The following TP53BP1 variants were observed in gnomAD, a reference collection of about 807,000 sequenced individuals.
TP53BP1 encodes the protein tumor protein p53 binding protein 1.
TP53BP1 carries 61 observed loss-of-function variants against 200.8 expected under a neutral mutation model. That is an observed-to-expected ratio of 0.30 (90% CI 0.25 to 0.38). The LOEUF (loss-of-function observed/expected upper bound fraction) is 0.38, where lower values mean the gene tolerates loss of function less well. TP53BP1 is among the 10% of genes least tolerant of loss of function. The probability of loss-of-function intolerance (pLI) is 1.00; values close to 1 mark genes in which losing one functional copy is unlikely to be tolerated. For synonymous variants in TP53BP1, 822 were observed against 844.3 expected (o/e 0.97, Z 0.46); for missense variants, 2,144 against 2,371.9 (o/e 0.90, Z 2.00).
chr15:43,438,308 T>C lies in TP53BP1; in HGVS notation c.3191+16A>G, dbSNP rs2045847765. 1.9e-6 allele frequency: 3 copies of C among 1,610,672 alleles called. No individual in the cohort carries two copies. Among genetic ancestry groups the C allele is most frequent in the Non-Finnish European group, 1.7e-6 (2 of 1,178,164 alleles). The stretch of plus-strand genomic sequence containing the variant: ...AACCAATGGAGCCCAAAAGATTCTA[T>C]AAAAATAATGCTTACCTGATGGGTG... On this transcript the variant is annotated intron_variant, in intron 16 of 27. Transcript: ENST00000382044.
rs1430465112 is a variant in TP53BP1, at chr15:43,406,584, T to G, written c.*799A>C. 8.8e-6 allele frequency: 4 copies of G among 455,938 alleles called. No individual in the cohort carries two copies. The highest frequency in any genetic ancestry group is 2.4e-5 in the Admixed American group (1 of 42,552). The allele number at this position is 455,938 out of a possible 1,614,324, so 28.2% of individuals were successfully genotyped here. A position where few individuals can be genotyped will look rare whatever the true frequency, so the allele number is the denominator to read the frequency against. On this transcript the variant is annotated 3_prime_UTR_variant, in exon 28 of 28. Coordinates refer to ENST00000382044, the MANE Select transcript of TP53BP1 (RefSeq NM_001141980.3). ...GGCCCACAAAGCCTGAAATATTTACTCTTTGACCCTTTACAGAAAAAAACC... is the reference window on the plus strand; with the variant it reads ...GGCCCACAAAGCCTGAAATATTTACGCTTTGACCCTTTACAGAAAAAAACC...
chr15:43,455,005 C>G (rs914529791), intron 12 of TP53BP1, among the ~76,000 whole-genome samples: 1 of 152,194 alleles, frequency 6.6e-6, no homozygotes, highest in Non-Finnish European at 1.5e-5. Flanking sequence ...GTTAGGATTA[C>G]AGGCGTGAGC....
intron 1 of TP53BP1, among the ~76,000 whole-genome samples, chr15:43,499,663 TCA>T (rs1456047517): frequency 5.3e-5 from 8 of 152,152 alleles, no homozygotes; most frequent in Non-Finnish European, 1.2e-4. Flanking sequence ...TATAAGCACA[TCA>T]CACAGAGTCT....
At chr15:43,481,527 A>G (rs545291133) in intron 4 of TP53BP1, among the ~76,000 whole-genome samples, 49 of 151,824 alleles carry the variant, frequency 3.2e-4, no homozygotes, top group Non-Finnish European at 5.4e-4. Context: ...TTTAAGAGAC[A>G]GAGTCTGGGC....
chr15:43,464,316 T>C (rs2046511511), intron 11 of TP53BP1, among the ~76,000 whole-genome samples: 1 of 152,006 alleles, frequency 6.6e-6, no homozygotes, highest in Non-Finnish European at 1.5e-5. Flanking sequence ...AGTATATCAA[T>C]AAAACAAGAG....
chr15:43,472,760 A>T (rs1246668334), intron 10 of TP53BP1, among the ~76,000 whole-genome samples: 1 of 152,236 alleles, frequency 6.6e-6, no homozygotes, highest in Admixed American at 6.5e-5. Context: ...CTTTAAAAAC[A>T]AAAATTTTTC....
intron 14 of TP53BP1, among the ~76,000 whole-genome samples, chr15:43,445,152 A>T (rs1432577439): frequency 6.6e-6 from 1 of 152,148 alleles, no homozygotes; most frequent in Admixed American, 6.6e-5. Context: ...ACTTCTCAAA[A>T]GTAGAGAGTA....
intron 12 of TP53BP1, among the ~76,000 whole-genome samples, chr15:43,448,562 C>T (rs1026572496): frequency 6.7e-6 from 1 of 148,828 alleles, no homozygotes; most frequent in Non-Finnish European, 1.5e-5. Context: ...TTTTTTGAGA[C>T]GGAGTCTGGC....
intron 4 of TP53BP1, among the ~76,000 whole-genome samples, chr15:43,487,230 G>C (rs2079058507): frequency 2.0e-5 from 3 of 152,080 alleles, no homozygotes; most frequent in African/African-American, 4.8e-5. Context: ...ACCATCATTA[G>C]CCATTAGGGA....
chr15:43,430,093 G>C (rs1202957639), intron 17 of TP53BP1, among the ~76,000 whole-genome samples: 1 of 152,186 alleles, frequency 6.6e-6, no homozygotes, highest in Non-Finnish European at 1.5e-5. Context: ...CTGAAAAGAG[G>C]TGTCTGTAAA....
At chr15:43,408,741 A>G in intron 26 of TP53BP1, 156 bp downstream of exon 26, 1 of 697,066 alleles carries the variant, frequency 1.4e-6, no homozygotes, top group Admixed American at 2.8e-5. Context: ...AGGGAAATAA[A>G]CTAGATAAAC....
rs115050239 is a variant in TP53BP1, at chr15:43,461,938, G to T, written c.1390-4720C>A. Reference sequence around the variant, plus strand: ...GTCTGCCTCGGCCTCCCAAAGCTGGGATTACAAGCGTGAGCCACAGAACCT... The same window carrying T: ...GTCTGCCTCGGCCTCCCAAAGCTGGTATTACAAGCGTGAGCCACAGAACCT... On this transcript the variant is annotated intron_variant, in intron 11 of 27. Transcript: ENST00000382044. Among the ~76,000 whole-genome samples the T allele has an allele frequency of 4.8e-3, 725 of 151,690 alleles. 9 individuals carry two copies. Among genetic ancestry groups the T allele is most frequent in the African/African-American group, 0.017 (696 of 41,390 alleles).
intron 4 of TP53BP1, among the ~76,000 whole-genome samples, chr15:43,481,620 T>C (rs932079328): frequency 1.3e-5 from 2 of 151,432 alleles, no homozygotes; most frequent in African/African-American, 4.9e-5. Context: ...ATCGAGACCA[T>C]CCTGGCTAAC....
In TP53BP1 at chr15:43,492,056, G is replaced by C. The variant is rs374986546; in HGVS notation, c.232C>G (p.Arg78Gly). 7.4e-6 allele frequency: 12 copies of C among 1,613,906 alleles called. No individual in the cohort carries two copies. Among genetic ancestry groups the C allele is most frequent in the Non-Finnish European group, 9.3e-6 (11 of 1,179,900 alleles). The change falls in exon 3 of 28, where the codon CGA (arginine) becomes GGA (glycine). Residue 78 changes from arginine to glycine, a missense_variant. Arg to Gly is a moderately radical substitution (Grantham distance 125, BLOSUM62 -2). Coordinates refer to ENST00000382044, the MANE Select transcript of TP53BP1 (RefSeq NM_001141980.3). ...TTGAACCCACTATTACCGTCTCCTC[G>C]TTCTTCTCCAGCTGTTTGTTCAGGA... The part of the protein sequence containing the change: ...SNPEQTAGEE[R>G]GDGNSGFNEH...
chr15:43,430,653 G>A (rs1342119310), intron 17 of TP53BP1, among the ~76,000 whole-genome samples: 5 of 152,152 alleles, frequency 3.3e-5, no homozygotes, highest in Non-Finnish European at 5.9e-5. Flanking sequence ...TCCTTTATCT[G>A]AGGGAGATAT....
intron 10 of TP53BP1, among the ~76,000 whole-genome samples, chr15:43,474,080 G>C (rs2046791735): frequency 6.6e-6 from 1 of 152,324 alleles, no homozygotes; most frequent in Middle Eastern, 3.4e-3. Flanking sequence ...GGCTAGCACT[G>C]CTGGGGGACC....
intron 20 of TP53BP1, 76 bp from the exon 21 acceptor site, chr15:43,420,811 C>A: frequency 7.1e-7 from 1 of 1,410,958 alleles, no homozygotes; most frequent in African/African-American, 1.4e-5. Flanking sequence ...TTTTTCCACT[C>A]CTTTGTCCAT....
chr15:43,451,806 G>A (rs1335143959), intron 12 of TP53BP1, among the ~76,000 whole-genome samples: 2 of 152,188 alleles, frequency 1.3e-5, no homozygotes, highest in Admixed American at 1.3e-4. Flanking sequence ...CACCAACAGT[G>A]TAAAAGTGAA....
At chr15:43,459,815 G>A (rs533420802) in intron 11 of TP53BP1, among the ~76,000 whole-genome samples, 2 of 152,082 alleles carry the variant, frequency 1.3e-5, no homozygotes, top group African/African-American at 4.8e-5. Flanking sequence ...ACAGGTGGGC[G>A]CCACAACACC....
Sources: gnomAD v4.1 joint callset for allele counts (sites outside exome capture counted in the v4.1 genomes callset) on GRCh38, gnomAD v4.1.1 for gene constraint, MANE v1.5 for transcripts, NCBI Gene and HGNC (gene_info 2026-07-23, HGNC 2026-07-21) for gene names.